MBOAT1: variants seen among roughly 807,000 people sequenced by gnomAD.
MBOAT1 encodes the protein membrane-bound glycerophospholipid O-acyltransferase 1.
Under a neutral mutation model 64.4 loss-of-function variants are expected in MBOAT1, and 67 were observed. That is an observed-to-expected ratio of 1.04 (90% CI 0.85 to 1.27). The LOEUF (loss-of-function observed/expected upper bound fraction) is 1.27, where lower values mean the gene tolerates loss of function less well. Among genes scored for constraint, MBOAT1 ranks in the 50% most tolerant of loss-of-function variants. MBOAT1 has a pLI of 0.00. For synonymous variants in MBOAT1, 229 were observed against 218.9 expected (o/e 1.05, Z -0.41); for missense variants, 563 against 604.6 (o/e 0.93, Z 0.72).
rs6933020 is a variant in MBOAT1, at chr6:20,101,971, C to T, written c.*315G>A. 5.8e-3 allele frequency among the ~76,000 whole-genome samples: 880 copies of T among 150,826 alleles called. 3 individuals carry two copies. The highest frequency in any genetic ancestry group is 0.02 in the African/African-American group (840 of 41,048). On this transcript the variant is annotated 3_prime_UTR_variant, in exon 13 of 13. Transcript: ENST00000324607. ...TCTACTAAAAATACAAAAAATTAGC[C>T]GGGCGTAGTGGCGGGCGCCTGTAGT...
chr6:20,174,636 A>G (rs1298570229), intron 1 of MBOAT1, among the ~76,000 whole-genome samples: 4 of 152,210 alleles, frequency 2.6e-5, no homozygotes, highest in Non-Finnish European at 5.9e-5. Context: ...TGTTTACACC[A>G]GCATCACTAC....
intron 4 of MBOAT1, among the ~76,000 whole-genome samples, chr6:20,134,902 C>CTTT (rs3057688): frequency 1.1e-4 from 11 of 104,734 alleles, no homozygotes; most frequent in African/African-American, 2.9e-4. Context: ...AATTCATGTT[C>CTTT]TTTTTTTTTT....
intron 12 of MBOAT1, among the ~76,000 whole-genome samples, chr6:20,107,304 A>G (rs1483117579): frequency 1.3e-5 from 2 of 152,014 alleles, no homozygotes; most frequent in Non-Finnish European, 2.9e-5. Context: ...CAGTGCTCGG[A>G]GCTTCGTGCT....
chr6:20,106,412 C>T (rs562300190), intron 12 of MBOAT1, among the ~76,000 whole-genome samples: 5 of 152,054 alleles, frequency 3.3e-5, no homozygotes, highest in Non-Finnish European at 7.4e-5. Context: ...AGATCATTTC[C>T]GTCATCATAG....
intron 1 of MBOAT1, among the ~76,000 whole-genome samples, chr6:20,153,444 C>A (rs1761586765): frequency 6.6e-6 from 1 of 152,150 alleles, no homozygotes; most frequent in Admixed American, 6.5e-5. Context: ...TTTAGAGATG[C>A]AAAGTTTGAC....
intron 4 of MBOAT1, among the ~76,000 whole-genome samples, chr6:20,137,126 G>C (rs988979978): frequency 1.3e-5 from 2 of 152,102 alleles, no homozygotes; most frequent in East Asian, 1.9e-4. Flanking sequence ...CCTATCATAG[G>C]ATATGAACTT....
chr6:20,159,272 G>A (rs192914635), intron 1 of MBOAT1, among the ~76,000 whole-genome samples: 6 of 152,106 alleles, frequency 3.9e-5, no homozygotes, highest in East Asian at 1.9e-4. Context: ...ACTCCCCATC[G>A]CCTGCATTAC....
At chr6:20,161,738 C>T (rs1761868165) in intron 1 of MBOAT1, among the ~76,000 whole-genome samples, 1 of 152,156 alleles carries the variant, frequency 6.6e-6, no homozygotes, top group South Asian at 2.1e-4. Context: ...TCAAACGCAG[C>T]CTGAGTTCTC....
At chr6:20,191,696 G>A (rs557472468) in intron 1 of MBOAT1, among the ~76,000 whole-genome samples, 1 of 152,212 alleles carries the variant, frequency 6.6e-6, no homozygotes, top group African/African-American at 2.4e-5. Context: ...AGCCCAACAG[G>A]GCAATTGCAG....
chr6:20,157,420 G>A (rs1405813134), intron 1 of MBOAT1, among the ~76,000 whole-genome samples: 3 of 152,208 alleles, frequency 2.0e-5, no homozygotes, highest in Admixed American at 2.0e-4. Context: ...TATAGAAAAT[G>A]TTGCAAAAAT....
chr6:20,156,501 A>G (rs540995076), intron 1 of MBOAT1, among the ~76,000 whole-genome samples: 1 of 152,240 alleles, frequency 6.6e-6, no homozygotes, highest in South Asian at 2.1e-4. Context: ...AACACACAAC[A>G]CCACCACGTA....
chr6:20,135,106 T>TCAATCATAGGATC, intron 4 of MBOAT1, among the ~76,000 whole-genome samples: 2 of 152,188 alleles, frequency 1.3e-5, no homozygotes, highest in Middle Eastern at 6.8e-3. Flanking sequence ...AACGCACTTG[T>TCAATCATAGGATC]CAATCATAGG....
chr6:20,154,701 T>C (rs1581429207), intron 1 of MBOAT1, among the ~76,000 whole-genome samples: 1 of 152,164 alleles, frequency 6.6e-6, no homozygotes, highest in African/African-American at 2.4e-5. Context: ...TCATATCTTT[T>C]CATCTAGACT....
chr6:20,205,453 G>A (rs760380410), intron 1 of MBOAT1, among the ~76,000 whole-genome samples: 2 of 152,086 alleles, frequency 1.3e-5, no homozygotes, highest in Admixed American at 6.6e-5. Context: ...GACACACTAG[G>A]CCTTTGCTTC....
At chr6:20,102,808 G>A (rs1366134022) in intron 12 of MBOAT1, among the ~76,000 whole-genome samples, 1 of 152,056 alleles carries the variant, frequency 6.6e-6, no homozygotes, top group Non-Finnish European at 1.5e-5. Flanking sequence ...GCCAATGATG[G>A]ACCACATTAA....
At chr6:20,129,693 T>C (rs1427821732) in intron 5 of MBOAT1, among the ~76,000 whole-genome samples, 1 of 152,236 alleles carries the variant, frequency 6.6e-6, no homozygotes. Context: ...AGCAGTGTTT[T>C]TAAAAACTCA....
At chr6:20,149,856 T>A (rs16883430) in intron 3 of MBOAT1, among the ~76,000 whole-genome samples, 12,745 of 152,260 alleles carry the variant, frequency 0.084, 1,711 homozygotes, top group African/African-American at 0.28. Flanking sequence ...ATTAATCAAA[T>A]GGCTTTCTGA....
At chr6:20,205,953 G>A (rs955105925) in intron 1 of MBOAT1, among the ~76,000 whole-genome samples, 29 of 151,930 alleles carry the variant, frequency 1.9e-4, no homozygotes, top group African/African-American at 6.0e-4. Context: ...CCTCACTCGC[G>A]GCTCGCAAGC....
chr6:20,186,075 C>T (rs1344681710), intron 1 of MBOAT1, among the ~76,000 whole-genome samples: 1 of 152,050 alleles, frequency 6.6e-6, no homozygotes, highest in Non-Finnish European at 1.5e-5. Context: ...CCTGGCTACT[C>T]GGGAGGTTGA....
Sources: gnomAD v4.1 joint callset for allele counts (sites outside exome capture counted in the v4.1 genomes callset) on GRCh38, gnomAD v4.1.1 for gene constraint, MANE v1.5 for transcripts, NCBI Gene and HGNC (gene_info 2026-07-23, HGNC 2026-07-21) for gene names.